The following CSTPP1 variants were observed in gnomAD, a reference collection of about 807,000 sequenced individuals.
CSTPP1 encodes centriolar satellite-associated tubulin polyglutamylase complex regulator 1, also known as UPF0705 protein C11orf49.
At chr11:47,056,195 A>G in the CSTPP1 span, among the ~76,000 whole-genome samples, 1 of 152,178 alleles carries the variant, frequency 6.6e-6, no homozygotes, top group Non-Finnish European at 1.5e-5. Flanking sequence ...TCCCTAGAAT[A>G]GTGTATTTTC....
the CSTPP1 span, among the ~76,000 whole-genome samples, chr11:47,087,687 G>A: frequency 3.3e-5 from 5 of 152,220 alleles, no homozygotes; most frequent in Non-Finnish European, 7.4e-5. Flanking sequence ...AACATGGCGA[G>A]ACTCAAATAT....
the CSTPP1 span, among the ~76,000 whole-genome samples, chr11:47,157,568 G>A: frequency 6.6e-6 from 1 of 152,070 alleles, no homozygotes; most frequent in East Asian, 1.9e-4. Context: ...TACCCTTAGG[G>A]ACTGAGCAAC....
chr11:47,134,798 A>G, the CSTPP1 span, among the ~76,000 whole-genome samples: 1 of 152,216 alleles, frequency 6.6e-6, no homozygotes, highest in Non-Finnish European at 1.5e-5. Context: ...GCAACCCAAC[A>G]GAGAACTTTC....
chr11:47,115,464 G>A, the CSTPP1 span, among the ~76,000 whole-genome samples: 3 of 152,022 alleles, frequency 2.0e-5, no homozygotes, highest in Non-Finnish European at 4.4e-5. Context: ...TCTTTTGGTT[G>A]GTAGGCTATT....
the CSTPP1 span, chr11:47,138,093 C>T: frequency 8.5e-6 from 2 of 234,832 alleles, no homozygotes; most frequent in South Asian, 1.1e-4. Flanking sequence ...AAAGATACTA[C>T]CCAAGACTGG....
the CSTPP1 span, among the ~76,000 whole-genome samples, chr11:47,083,868 G>A: frequency 3.3e-5 from 5 of 152,236 alleles, no homozygotes; most frequent in South Asian, 1.0e-3. Context: ...GTACACTTGG[G>A]TTATGTACAG....
chr11:46,950,092 A>G, the CSTPP1 span, among the ~76,000 whole-genome samples: 1 of 152,302 alleles, frequency 6.6e-6, no homozygotes, highest in African/African-American at 2.4e-5. Context: ...GTTTTCAATT[A>G]CAGTTAGTAG....
chr11:47,132,260 C>A, the CSTPP1 span, among the ~76,000 whole-genome samples: 1 of 152,180 alleles, frequency 6.6e-6, no homozygotes, highest in African/African-American at 2.4e-5. Context: ...AACTTTTTCC[C>A]TATGAATTTT....
chr11:46,953,301 A>G, the CSTPP1 span, among the ~76,000 whole-genome samples: 1 of 152,164 alleles, frequency 6.6e-6, no homozygotes, highest in Non-Finnish European at 1.5e-5. Flanking sequence ...AGGGGGTGAT[A>G]GCAAGAGGAG....
chr11:47,027,806 T>C, the CSTPP1 span, among the ~76,000 whole-genome samples: 9 of 152,336 alleles, frequency 5.9e-5, no homozygotes, highest in South Asian at 1.9e-3. Flanking sequence ...TAAATTGTTT[T>C]TTAAAGAAGC....
chr11:47,137,933 G>A, the CSTPP1 span: 2 of 616,324 alleles, frequency 3.2e-6, no homozygotes, highest in Non-Finnish European at 5.6e-6. Context: ...TGGTTTCTGT[G>A]GGGAGCCTCA....
the CSTPP1 span, among the ~76,000 whole-genome samples, chr11:47,013,849 C>A: frequency 6.6e-6 from 1 of 152,144 alleles, no homozygotes; most frequent in African/African-American, 2.4e-5. Flanking sequence ...ATTTACATTC[C>A]CACCAACAGT....
At chr11:47,074,555 AG>A in the CSTPP1 span, among the ~76,000 whole-genome samples, 1 of 151,884 alleles carries the variant, frequency 6.6e-6, no homozygotes, top group African/African-American at 2.4e-5. Flanking sequence ...AGGTTGGGGA[AG>A]GGGGGAAATT....
At chr11:47,015,936 G>A in the CSTPP1 span, among the ~76,000 whole-genome samples, 1 of 152,156 alleles carries the variant, frequency 6.6e-6, no homozygotes, top group Admixed American at 6.5e-5. Flanking sequence ...ATAAAATCGA[G>A]CATTCATTCC....
chr11:47,147,970 A>G, the CSTPP1 span, among the ~76,000 whole-genome samples: 1 of 152,076 alleles, frequency 6.6e-6, no homozygotes, highest in African/African-American at 2.4e-5. Flanking sequence ...TAGGCATTTC[A>G]GGGCAAGTAG....
chr11:47,104,722 C>T, the CSTPP1 span, among the ~76,000 whole-genome samples: 1 of 152,256 alleles, frequency 6.6e-6, no homozygotes, highest in African/African-American at 2.4e-5. Context: ...TATGAGGTAC[C>T]AATGGCTCTA....
the CSTPP1 span, among the ~76,000 whole-genome samples, chr11:47,119,423 C>T: frequency 5.9e-5 from 9 of 152,100 alleles, no homozygotes; most frequent in Admixed American, 2.0e-4. Context: ...GGTGAGGCGA[C>T]GCCCCACCCT....
At chr11:47,125,352 G>A in the CSTPP1 span, among the ~76,000 whole-genome samples, 10 of 152,204 alleles carry the variant, frequency 6.6e-5, no homozygotes, top group Admixed American at 6.5e-5. Flanking sequence ...TCATAAGCAC[G>A]CCTACATGCT....
chr11:47,135,687 T>C, the CSTPP1 span, among the ~76,000 whole-genome samples: 1 of 152,252 alleles, frequency 6.6e-6, no homozygotes, highest in Non-Finnish European at 1.5e-5. Flanking sequence ...AAGTTGTTTA[T>C]TTGCTTGCAT....
Sources: gnomAD v4.1 joint callset for allele counts (sites outside exome capture counted in the v4.1 genomes callset) on GRCh38, gnomAD v4.1.1 for gene constraint, MANE v1.5 for transcripts, NCBI Gene and HGNC (gene_info 2026-07-23, HGNC 2026-07-21) for gene names.